Variants in FRMD4A observed in about 807,000 individuals in gnomAD.
The protein encoded by FRMD4A is FERM domain-containing protein 4A.
FRMD4A carries 29 observed loss-of-function variants against 129.1 expected under a neutral mutation model. The ratio of observed to expected loss-of-function variants is 0.22; its 90% CI spans 0.17 to 0.31. The LOEUF is 0.31. Among genes scored for constraint, FRMD4A ranks in the 10% least tolerant of loss-of-function variants. FRMD4A has a pLI of 1.00. For synonymous variants in FRMD4A, 634 were observed against 571.6 expected (o/e 1.11, Z -1.56); for missense variants, 1,272 against 1,375.8 (o/e 0.92, Z 1.19).
intron 15 of FRMD4A, chr10:13,685,423 TA>T: frequency 1.0e-6 from 1 of 985,192 alleles, no homozygotes; most frequent in Non-Finnish European, 1.2e-6. Context: ...TCCAGTAAAA[TA>T]CCCAGCTGAA....
intron 2 of FRMD4A, among the ~76,000 whole-genome samples, chr10:14,004,155 C>T (rs1205291347): frequency 2.0e-5 from 3 of 152,224 alleles, no homozygotes; most frequent in South Asian, 4.1e-4. Flanking sequence ...ACACAATATA[C>T]TGCTTGTCTT....
intron 2 of FRMD4A, among the ~76,000 whole-genome samples, chr10:14,065,484 A>G (rs548657668): frequency 6.6e-6 from 1 of 152,232 alleles, no homozygotes; most frequent in Admixed American, 6.5e-5. Flanking sequence ...CCCGGCCCTA[A>G]TTCAGTGGAA....
chr10:14,109,207 C>T lies in FRMD4A; in HGVS notation c.45+220851G>A, dbSNP rs12359474. On this transcript the variant is annotated intron_variant, in intron 2 of 24. Transcript: ENST00000357447. ...GGAGATACTGGTTGAATAAAAGCATCTCAGAAAAAAAAAAAAAAAGCCTCC... is the reference window on the plus strand; with the variant it reads ...GGAGATACTGGTTGAATAAAAGCATTTCAGAAAAAAAAAAAAAAAGCCTCC... Among the ~76,000 whole-genome samples the T allele has an allele frequency of 2.1e-3, 293 of 138,124 alleles. 1 individual carries two copies. The highest frequency in any genetic ancestry group is 0.011 in the Middle Eastern group (3 of 276). The allele number at this position is 138,124 out of a possible 152,430, so 90.6% of individuals were successfully genotyped here.
chr10:13,755,725 G>A (rs1327568329), intron 8 of FRMD4A, among the ~76,000 whole-genome samples: 1 of 152,192 alleles, frequency 6.6e-6, no homozygotes, highest in Non-Finnish European at 1.5e-5. Context: ...GTAACTTGCA[G>A]ACTGACACCA....
Position 13,701,475 on chromosome 10 carries a change from A to G in FRMD4A, c.840T>C (p.Ala280=), listed in dbSNP as rs762361936. The G allele has an allele frequency of 1.9e-6, 3 of 1,612,026 alleles. No homozygotes were observed. ...FSVEVHDPRR[A]SVTRRTFGHS... ...GCCCAAACGTCCTCCTTGTCACTGA[A>G]GCCCTGGGGAAGCAAGAATCACAAG... is the stretch of plus-strand genomic sequence containing the variant. Residue 280 remains alanine (A), a synonymous_variant, in exon 14 of 25, where the codon GCT becomes GCC. Coordinates refer to ENST00000357447, the MANE Select transcript of FRMD4A (RefSeq NM_018027.5).
intron 2 of FRMD4A, among the ~76,000 whole-genome samples, chr10:14,181,908 C>T (rs1057271480): frequency 6.6e-6 from 1 of 152,134 alleles, no homozygotes; most frequent in African/African-American, 2.4e-5. Flanking sequence ...CCAGGCTGGT[C>T]TTGAATTCCT....
intron 2 of FRMD4A, among the ~76,000 whole-genome samples, chr10:13,911,416 G>A (rs539298573): frequency 3.3e-5 from 5 of 152,152 alleles, no homozygotes; most frequent in African/African-American, 1.2e-4. Context: ...TCACTAAAAC[G>A]GTTTTAGATA....
chr10:14,057,460 A>G (rs7901466), intron 2 of FRMD4A, among the ~76,000 whole-genome samples: 142,094 of 152,234 alleles, frequency 0.93, 66,521 homozygotes, highest in Middle Eastern at 0.98. Context: ...GCTTCAATTC[A>G]AGAAATTTCA....
At chr10:14,004,181 A>G (rs1565175070) in intron 2 of FRMD4A, among the ~76,000 whole-genome samples, 1 of 152,238 alleles carries the variant, frequency 6.6e-6, no homozygotes, top group East Asian at 1.9e-4. Context: ...TAGCAAGCGA[A>G]TAGCCCTAAA....
chr10:13,895,748 A>G (rs1356217152), intron 2 of FRMD4A, among the ~76,000 whole-genome samples: 4 of 152,230 alleles, frequency 2.6e-5, no homozygotes, highest in Admixed American at 2.6e-4. Flanking sequence ...AGAATGGGAG[A>G]AAATTTTTGC....
At chr10:14,068,689 C>A (rs1835174842) in intron 2 of FRMD4A, among the ~76,000 whole-genome samples, 1 of 152,190 alleles carries the variant, frequency 6.6e-6, no homozygotes, top group Non-Finnish European at 1.5e-5. Flanking sequence ...AAAGTTCCCA[C>A]ACATATGTCA....
At chr10:14,162,649 T>TG (rs1840964947) in intron 2 of FRMD4A, among the ~76,000 whole-genome samples, 1 of 150,306 alleles carries the variant, frequency 6.7e-6, no homozygotes, top group Non-Finnish European at 1.5e-5. Context: ...TTGTTTTTTT[T>TG]TTTTTTTTTT....
chr10:13,679,474 T>TATATATATACACACACACAC (rs1308155926), intron 15 of FRMD4A, among the ~76,000 whole-genome samples: 2 of 31,482 alleles, frequency 6.4e-5, no homozygotes, highest in Non-Finnish European at 1.0e-4. Context: ...TATATATATA[T>TATATATATACACACACACAC]ACACACACAC....
At chr10:14,134,618 G>A (rs1459552585) in intron 2 of FRMD4A, among the ~76,000 whole-genome samples, 1 of 151,448 alleles carries the variant, frequency 6.6e-6, no homozygotes, top group Non-Finnish European at 1.5e-5. Context: ...ATAAATGAGG[G>A]ATGGATGAAT....
intron 2 of FRMD4A, among the ~76,000 whole-genome samples, chr10:13,983,276 C>T (rs1442730365): frequency 1.3e-5 from 2 of 152,188 alleles, no homozygotes; most frequent in Admixed American, 6.5e-5. Flanking sequence ...TCCTCTTCCT[C>T]ATTTGCAATA....
chr10:13,900,447 A>G (rs2094806620), intron 2 of FRMD4A, among the ~76,000 whole-genome samples: 1 of 152,250 alleles, frequency 6.6e-6, no homozygotes, highest in Admixed American at 6.5e-5. Flanking sequence ...CAATCAAAAC[A>G]TCACAAGCTA....
chr10:14,257,600 G>C (rs1442989957), intron 2 of FRMD4A, among the ~76,000 whole-genome samples: 1 of 152,174 alleles, frequency 6.6e-6, no homozygotes, highest in African/African-American at 2.4e-5. Flanking sequence ...TAGTTAAGAT[G>C]AGGTCATATT....
At chr10:14,244,976 T>C (rs1271050081) in intron 2 of FRMD4A, among the ~76,000 whole-genome samples, 2 of 152,244 alleles carry the variant, frequency 1.3e-5, no homozygotes, top group South Asian at 2.1e-4. Context: ...TTAGGCACGA[T>C]CTTTCTGGAA....
intron 2 of FRMD4A, among the ~76,000 whole-genome samples, chr10:14,065,107 T>C (rs1834993281): frequency 6.6e-6 from 1 of 152,194 alleles, no homozygotes; most frequent in Non-Finnish European, 1.5e-5. Flanking sequence ...ACACCCACTA[T>C]TGACGACCAT....
Sources: allele counts gnomAD v4.1 joint callset (sites outside exome capture counted in the v4.1 genomes callset), GRCh38; gene constraint gnomAD v4.1.1; transcripts MANE v1.5; gene names NCBI Gene and HGNC (gene_info 2026-07-23, HGNC 2026-07-21).